Variants in KLKB1 observed in about 807,000 individuals in gnomAD.
KLKB1 encodes plasma kallikrein.
KLKB1 carries 58 observed loss-of-function variants against 73.6 expected under a neutral mutation model. That is an observed-to-expected ratio of 0.79 (90% CI 0.64 to 0.98). KLKB1 has a LOEUF of 0.98. KLKB1 is among the 50% of genes least tolerant of loss of function. The pLI, the probability that KLKB1 is intolerant of heterozygous loss-of-function variation, is 0.00. For synonymous variants in KLKB1, 280 were observed against 258.1 expected (o/e 1.08, Z -0.81); for missense variants, 737 against 763.8 (o/e 0.96, Z 0.41).
In KLKB1 at chr4:186,245,824, G is replaced by GTTTTTTTTTTTTTTTTTTTTTT. The variant is rs1402408736; in HGVS notation, c.599-4407_599-4406insTTTTTTTTTTTTTTTTTTTTTT. On this transcript the variant is annotated intron_variant, in intron 6 of 14. Transcript: ENST00000264690. Reference sequence around the variant, plus strand: ...GGAGTTTTTTTTTGTTTGTTTTTTGGTTTTTTTTTTTTAATGTCAGGAGCT... The same window carrying GTTTTTTTTTTTTTTTTTTTTTT: ...GGAGTTTTTTTTTGTTTGTTTTTTGGTTTTTTTTTTTTTTTTTTTTTTTTTTTTTTTTTTAATGTCAGGAGCT... Among the ~76,000 whole-genome samples, 12 of 110,030 alleles carry GTTTTTTTTTTTTTTTTTTTTTT rather than the reference G, an allele frequency of 1.1e-4. 1 individual carries two copies. Among genetic ancestry groups the GTTTTTTTTTTTTTTTTTTTTTT allele is most frequent in the East Asian group, 3.0e-4 (1 of 3,370 alleles). 72.2% of individuals were successfully genotyped at this position (110,030 alleles called of 152,430 possible).
intron 11 of KLKB1, among the ~76,000 whole-genome samples, 192 bp downstream of exon 11, chr4:186,252,377 T>C (rs1738729681): frequency 6.6e-6 from 1 of 152,096 alleles, no homozygotes; most frequent in Non-Finnish European, 1.5e-5. Context: ...GTGGTCTCTG[T>C]ACAGGGCAGA....
intron 13 of KLKB1, among the ~76,000 whole-genome samples, chr4:186,256,997 C>CTGTGTGTG (rs778577606): frequency 6.7e-5 from 10 of 148,730 alleles, no homozygotes; most frequent in South Asian, 4.3e-4. Context: ...GTCTCTCTCT[C>CTGTGTGTG]TCTGTGTGTG....
In KLKB1 at chr4:186,251,315, A is replaced by G; in HGVS notation, c.855A>G (p.Lys285=). ...TISGYSLLTC[K]RTLPEPCHSK... ...CTGGATATAGCCTTTTAACCTGCAAAAGAACTTTACCTGGTAATGTGATTT... is the reference window on the plus strand; with the variant it reads ...CTGGATATAGCCTTTTAACCTGCAAGAGAACTTTACCTGGTAATGTGATTT... The change falls in exon 8 of 15, where the codon AAA becomes AAG. Residue 285 remains lysine, a synonymous_variant. Transcript: ENST00000264690. The G allele has an allele frequency of 6.2e-7, 1 of 1,604,722 alleles. No homozygotes were observed.
intron 2 of KLKB1, among the ~76,000 whole-genome samples, chr4:186,228,604 G>C (rs1176329167): frequency 6.6e-6 from 1 of 152,182 alleles, no homozygotes; most frequent in Non-Finnish European, 1.5e-5. Context: ...AACTTTATCT[G>C]AAAATTCAAA....
chr4:186,230,434 C>T (rs1164394719), intron 2 of KLKB1, among the ~76,000 whole-genome samples: 1 of 152,096 alleles, frequency 6.6e-6, no homozygotes, highest in Non-Finnish European at 1.5e-5. Flanking sequence ...AATTGTTAAA[C>T]AAGACTGAAT....
At chr4:186,248,287 A>G (rs1333050604) in intron 6 of KLKB1, among the ~76,000 whole-genome samples, 1 of 151,756 alleles carries the variant, frequency 6.6e-6, no homozygotes, top group East Asian at 1.9e-4. Context: ...AAAAAAAGAA[A>G]GGCTGTCTTT....
chr4:186,254,782 A>T lies in KLKB1; in HGVS notation c.1489+19A>T. The T allele has an allele frequency of 6.2e-7, 1 of 1,600,714 alleles. No homozygotes were observed. The highest frequency in any genetic ancestry group is 8.6e-7 in the Non-Finnish European group (1 of 1,167,958). ...TACACTGGTATGTAGCATATGTAAG[A>T]AGGTGGAGAGCAGAATTGCGCTGGT... On this transcript the variant is annotated intron_variant, in intron 12 of 14. Transcript: ENST00000264690.
rs1490825370 is a variant in KLKB1, at chr4:186,258,328, G to A, written c.*116G>A. Reference sequence around the variant, plus strand: ...GGCATCTTCTTTGCATCCTAAGGACGAAAAACACAGTGCACTCAGAGCTGC... The same window carrying A: ...GGCATCTTCTTTGCATCCTAAGGACAAAAAACACAGTGCACTCAGAGCTGC... On this transcript the variant is annotated 3_prime_UTR_variant, in exon 15 of 15. Transcript: ENST00000264690. 16 of 926,252 alleles carry A rather than the reference G, an allele frequency of 1.7e-5. 1 individual carries two copies. Among genetic ancestry groups the A allele is most frequent in the South Asian group, 1.4e-4 (10 of 70,948 alleles). The allele number at this position is 926,252 out of a possible 1,614,324, so 57.4% of individuals were successfully genotyped here.
At position 186,240,324 on chromosome 4, in the gene KLKB1, G is replaced by C. The variant is rs150617379; in HGVS notation, c.598+1959G>C. Among the ~76,000 whole-genome samples the C allele has an allele frequency of 6.2e-4, 95 of 152,112 alleles. 1 individual carries two copies. Among genetic ancestry groups the C allele is most frequent in the Non-Finnish European group, 1.1e-3 (78 of 67,982 alleles). ...GATATAGTTATAGGACAGTGATATT[G>C]TTACAGTTATAGGTACAGTGACGTT... On this transcript the variant is annotated intron_variant, in intron 6 of 14. Coordinates refer to ENST00000264690, the MANE Select transcript of KLKB1 (RefSeq NM_000892.5).
At chr4:186,215,986 A>G (rs1256719947) in intron 2 of KLKB1, among the ~76,000 whole-genome samples, 1 of 152,242 alleles carries the variant, frequency 6.6e-6, no homozygotes, top group Non-Finnish European at 1.5e-5. Context: ...CAAGGACTGC[A>G]GTGTCTCATA....
chr4:186,226,668 C>T (rs145215735), upstream of KLKB1, among the ~76,000 whole-genome samples: 2 of 152,298 alleles, frequency 1.3e-5, no homozygotes, highest in African/African-American at 4.8e-5. Flanking sequence ...TGGGGATAGG[C>T]CTGTTCCTGA....
At chr4:186,244,195 G>C (rs1035543362) in intron 6 of KLKB1, among the ~76,000 whole-genome samples, 1 of 152,166 alleles carries the variant, frequency 6.6e-6, no homozygotes, top group Non-Finnish European at 1.5e-5. Context: ...GGCAAGAGGA[G>C]TGGCTAAAGG....
At chr4:186,245,147 G>A (rs1738261968) in intron 6 of KLKB1, among the ~76,000 whole-genome samples, 1 of 152,162 alleles carries the variant, frequency 6.6e-6, no homozygotes, top group Admixed American at 6.5e-5. Flanking sequence ...TGTTGTCCAA[G>A]TTGGCACCAG....
intron 2 of KLKB1, among the ~76,000 whole-genome samples, chr4:186,230,323 ATACT>A (rs538845527): frequency 1.8e-4 from 28 of 152,326 alleles, no homozygotes; most frequent in African/African-American, 6.3e-4. Flanking sequence ...CCATTTTCAT[ATACT>A]TACTAATCAC....
intron 6 of KLKB1, among the ~76,000 whole-genome samples, chr4:186,243,081 C>T (rs1366449024): frequency 6.6e-6 from 1 of 152,134 alleles, no homozygotes; most frequent in Non-Finnish European, 1.5e-5. Context: ...ATTTTAGTTT[C>T]CTGACTCCGG....
chr4:186,254,681 T>G lies in KLKB1; in HGVS notation c.1407T>G (p.Ile469Met). Residue 469 changes from isoleucine to methionine, a missense_variant, in exon 12 of 15, where the codon ATT (isoleucine) becomes ATG (methionine). By Grantham distance (10) the Ile-to-Met change is conservative (BLOSUM62 1). Transcript: ENST00000264690. ...KDTPFSQIKE[I>M]IIHQNYKVSE... ...CACCTTTCTCACAAATAAAAGAGAT[T>G]ATTATTCACCAAAACTATAAAGTCT... The G allele has an allele frequency of 6.2e-7, 1 of 1,613,698 alleles. No individual in the cohort carries two copies. The highest frequency in any genetic ancestry group is 8.5e-7 in the Non-Finnish European group (1 of 1,179,560).
At chr4:186,217,880 C>T (rs188584956) in intron 2 of KLKB1, among the ~76,000 whole-genome samples, 1 of 152,298 alleles carries the variant, frequency 6.6e-6, no homozygotes, top group East Asian at 1.9e-4. Flanking sequence ...ACCAGTTTCT[C>T]CTCAGTCGAA....
At chr4:186,224,543 CAT>C (rs754645851), upstream of KLKB1, among the ~76,000 whole-genome samples, 2 of 152,232 alleles carry the variant, frequency 1.3e-5, no homozygotes, top group Non-Finnish European at 2.9e-5. Flanking sequence ...CTAGGTTTTG[CAT>C]ATGCTTGGGA....
intron 11 of KLKB1, among the ~76,000 whole-genome samples, chr4:186,253,574 A>G (rs999649477): frequency 1.3e-5 from 2 of 152,164 alleles, no homozygotes; most frequent in Non-Finnish European, 2.9e-5. Context: ...TATAAGAGAT[A>G]ATAGACATAA....
Sources: allele counts gnomAD v4.1 joint callset (sites outside exome capture counted in the v4.1 genomes callset), GRCh38; gene constraint gnomAD v4.1.1; transcripts MANE v1.5; gene names NCBI Gene and HGNC (gene_info 2026-07-23, HGNC 2026-07-21).